AP2A1: variants seen among roughly 807,000 people sequenced by gnomAD.
The protein encoded by AP2A1 is AP-2 complex subunit alpha-1.
Under a neutral mutation model 107.3 loss-of-function variants are expected in AP2A1, and 21 were observed. That is an observed-to-expected ratio of 0.20 (90% confidence interval 0.14 to 0.28). The LOEUF (loss-of-function observed/expected upper bound fraction) is 0.28, where lower values mean the gene tolerates loss of function less well. Among genes scored for constraint, AP2A1 ranks in the 10% least tolerant of loss-of-function variants. The probability of loss-of-function intolerance (pLI) is 1.00; values close to 1 mark genes in which losing one functional copy is unlikely to be tolerated. For synonymous variants in AP2A1, 602 were observed against 564.8 expected (o/e 1.07, Z -0.93); for missense variants, 873 against 1,307.7 (o/e 0.67, Z 5.13).
intron 4 of AP2A1, among the ~76,000 whole-genome samples, chr19:49,790,178 G>A (rs77827342): frequency 0.13 from 19,579 of 152,196 alleles, 1,460 homozygotes; most frequent in East Asian, 0.23. Context: ...GAGAGGCCGC[G>A]TCCTTGCCTT....
At chr19:49,767,459 C>A (rs997965924) in intron 1 of AP2A1, among the ~76,000 whole-genome samples, 1 of 151,830 alleles carries the variant, frequency 6.6e-6, no homozygotes, top group Non-Finnish European at 1.5e-5. Context: ...CAGTGAGGTC[C>A]CGGGGATGGG....
At chr19:49,784,874 C>G (rs1448205892) in intron 4 of AP2A1, among the ~76,000 whole-genome samples, 1 of 151,744 alleles carries the variant, frequency 6.6e-6, no homozygotes, top group Non-Finnish European at 1.5e-5. Context: ...TCTAAACAAA[C>G]AAACAAAAAA....
In AP2A1 at chr19:49,782,542, C is replaced by T. The variant is rs541478060; in HGVS notation, c.291C>T (p.Phe97=). The change falls in exon 4 of 23, where the codon TTC becomes TTT. Residue 97 remains phenylalanine (F), a synonymous_variant. Transcript: ENST00000354293. ...CTCCCTCCCCACAGGGTTACCTGTTCATTTCTGTGCTGGTGAACTCGAACT... is the reference window on the plus strand; with the variant it reads ...CTCCCTCCCCACAGGGTTACCTGTTTATTTCTGTGCTGGTGAACTCGAACT... The part of the protein sequence containing the change: ...KYTEKQIGYL[F]ISVLVNSNSE... The T allele has an allele frequency of 2.5e-6, 4 of 1,613,654 alleles. No individual in the cohort carries two copies. The African/African-American group carries it at 5.3e-5, about 21-fold the overall frequency.
Position 49,805,954 on chromosome 19 carries a change from G to A in AP2A1, c.2655+13G>A. 1 of 1,613,734 alleles carries A rather than the reference G, an allele frequency of 6.2e-7. No individual in the cohort carries two copies. The highest frequency in any genetic ancestry group is 8.5e-7 in the Non-Finnish European group (1 of 1,179,876). ...TACTAAGGCCAAGGTGAGAGACCGC[G>A]GGCGTGTTTGCCGGCCTATGGCTGC... is the stretch of plus-strand genomic sequence containing the variant. On this transcript the variant is annotated intron_variant, in intron 21 of 22. Coordinates refer to ENST00000354293, the MANE Select transcript of AP2A1 (RefSeq NM_130787.3).
At chr19:49,800,237 C>G in intron 11 of AP2A1, 87 bp downstream of exon 11, 1 of 1,427,556 alleles carries the variant, frequency 7.0e-7, no homozygotes, top group Non-Finnish European at 9.5e-7. Flanking sequence ...GCCTGCCAGC[C>G]CGCAGCCACC....
At chr19:49,799,001 G>A (rs1413453403) in intron 8 of AP2A1, 49 bp downstream of exon 8, 1 of 1,549,010 alleles carries the variant, frequency 6.5e-7, no homozygotes, top group Non-Finnish European at 8.7e-7. Context: ...CAGGAAAGAG[G>A]GGCATGGAGG....
intron 1 of AP2A1, among the ~76,000 whole-genome samples, chr19:49,776,338 C>G (rs1471671334): frequency 1.3e-5 from 2 of 152,150 alleles, no homozygotes; most frequent in Non-Finnish European, 2.9e-5. Context: ...TCTGCCTGGT[C>G]CATTTCAGCC....
Position 49,799,438 on chromosome 19 carries a change from C to T in AP2A1, c.1077C>T (p.Ser359=), listed in dbSNP as rs764972118. Residue 359 remains serine (S), a synonymous_variant, in exon 9 of 23, where the codon TCC becomes TCT. Transcript: ENST00000354293. ...AGAGCATGTGCACGCTGGCCAGCTC[C>T]GAGTTCTCCCATGAAGCCGTCAAGA... ...ALESMCTLAS[S]EFSHEAVKTH... 15 of 1,611,732 alleles carry T rather than the reference C, an allele frequency of 9.3e-6. No homozygotes were observed. Among genetic ancestry groups the T allele is most frequent in the East Asian group, 2.2e-5 (1 of 44,798 alleles).
At position 49,767,075 on chromosome 19, in the gene AP2A1, C is replaced by G. The variant is rs2084509924; in HGVS notation, c.-59C>G. On this transcript the variant is annotated 5_prime_UTR_variant, in exon 1 of 23. Transcript: ENST00000354293. ...GTCCTTTCCGCCCGGTCCCCGCTTG[C>G]CAGCCCCCGCTGCTCTGTGCCCTGT... is the stretch of plus-strand genomic sequence containing the variant. 1.3e-6 allele frequency: 2 copies of G among 1,557,244 alleles called. No individual in the cohort carries two copies. The highest frequency in any genetic ancestry group is 1.7e-6 in the Non-Finnish European group (2 of 1,153,928).
In AP2A1 at chr19:49,801,859, C is replaced by T. The variant is rs2073284922; in HGVS notation, c.1923C>T (p.Asn641=). 3 of 1,504,370 alleles carry T rather than the reference C, an allele frequency of 2.0e-6. No homozygotes were observed. Among genetic ancestry groups the T allele is most frequent in the African/African-American group, 1.4e-5 (1 of 71,870 alleles). 93.2% of individuals were successfully genotyped at this position (1,504,370 alleles called of 1,614,324 possible). Residue 641 remains asparagine, a synonymous_variant, in exon 14 of 23, where the codon AAC becomes AAT. Coordinates refer to ENST00000354293, the MANE Select transcript of AP2A1 (RefSeq NM_130787.3). ...GRRDPSSNDI[N]GGMEPTPSTV... ...GGGACCCCAGCAGCAACGACATCAA[C>T]GGGGGCATGGAGCCCACCCCCAGCA...
At chr19:49,802,561 C>A in intron 15 of AP2A1, 1 of 1,606,300 alleles carries the variant, frequency 6.2e-7, no homozygotes, top group African/African-American at 1.3e-5. Flanking sequence ...CCCCCGAGAG[C>A]CCCATGGCTT....
Position 49,805,497 on chromosome 19 carries a change from G to A in AP2A1, c.2389G>A (p.Gly797Ser), listed in dbSNP as rs773315954. 1.3e-6 allele frequency: 2 copies of A among 1,556,076 alleles called. No individual in the cohort carries two copies. The highest frequency in any genetic ancestry group is 2.4e-5 in the South Asian group (2 of 84,476). The change falls in exon 19 of 23, where the codon GGC (glycine) becomes AGC (serine). Residue 797 changes from glycine to serine, a missense_variant. Coordinates refer to ENST00000354293, the MANE Select transcript of AP2A1 (RefSeq NM_130787.3). ...GCGCGTGGCGGCGCAGGTGGACGGC[G>A]GCGCGCAGGTGCAGCAGGTGCTCAA... Reference protein sequence around the residue: ...TKRVAAQVDGGAQVQQVLNIE... With the variant: ...TKRVAAQVDGSAQVQQVLNIE...
chr19:49,771,139 C>T (rs982286193), intron 1 of AP2A1, among the ~76,000 whole-genome samples: 2 of 151,732 alleles, frequency 1.3e-5, no homozygotes, highest in Non-Finnish European at 2.9e-5. Flanking sequence ...GTGTGAGCTA[C>T]CATGCCCGGC....
intron 11 of AP2A1, among the ~76,000 whole-genome samples, 169 bp downstream of exon 11, chr19:49,800,319 G>T (rs1192107316): frequency 6.6e-6 from 1 of 152,226 alleles, no homozygotes; most frequent in Non-Finnish European, 1.5e-5. Flanking sequence ...GGGACCCAGG[G>T]CTATGGTCTC....
intron 6 of AP2A1, among the ~76,000 whole-genome samples, chr19:49,794,768 T>C (rs2123729913): frequency 6.6e-6 from 1 of 152,152 alleles, no homozygotes; most frequent in East Asian, 1.9e-4. Context: ...GTTCAAGCAA[T>C]TCTCCTGCCT....
Position 49,798,842 on chromosome 19 carries a change from G to A in AP2A1, c.855G>A (p.Glu285=), listed in dbSNP as rs1173836386. 1.9e-6 allele frequency: 3 copies of A among 1,603,508 alleles called. No homozygotes were observed. The highest frequency in any genetic ancestry group is 2.6e-6 in the Non-Finnish European group (3 of 1,175,248). The part of the protein sequence containing the change: ...AVKGRLVECL[E]TVLNKAQEPP... ...AGGGGCGGCTGGTGGAATGTCTGGA[G>A]ACTGTGCTCAACAAGGCCCAGGAGC... is the stretch of plus-strand genomic sequence containing the variant. Residue 285 remains glutamate (E), a synonymous_variant, in exon 8 of 23, where the codon GAG becomes GAA. Transcript: ENST00000354293.
rs1046474080 is a variant in AP2A1 at position 49,806,975 on chromosome 19, C to T, written c.*217C>T. ...GGGGAGTCCCCCTCCCTCCCTTTCC[C>T]CCCCAAGCACAGAGGGGAGAGGGGC... On this transcript the variant is annotated 3_prime_UTR_variant, in exon 23 of 23. Transcript: ENST00000354293. 6 of 1,530,376 alleles carry T rather than the reference C, an allele frequency of 3.9e-6. No individual in the cohort carries two copies. In the African/African-American group the frequency reaches 5.5e-5, roughly 14 times the overall value. 94.8% of individuals were successfully genotyped at this position (1,530,376 alleles called of 1,614,324 possible).
chr19:49,780,854 C>T (rs1368991802), intron 1 of AP2A1, among the ~76,000 whole-genome samples: 3 of 152,140 alleles, frequency 2.0e-5, no homozygotes, highest in African/African-American at 2.4e-5. Flanking sequence ...GCAGCCTGGG[C>T]GACAGTCTAA....
chr19:49,786,541 C>T (rs2084739062), intron 4 of AP2A1, among the ~76,000 whole-genome samples: 1 of 152,138 alleles, frequency 6.6e-6, no homozygotes, highest in Non-Finnish European at 1.5e-5. Flanking sequence ...TGGGAATTCC[C>T]AAAAGCTGGG....
Sources: gnomAD v4.1 joint callset for allele counts (sites outside exome capture counted in the v4.1 genomes callset) on GRCh38, gnomAD v4.1.1 for gene constraint, MANE v1.5 for transcripts, NCBI Gene and HGNC (gene_info 2026-07-23, HGNC 2026-07-21) for gene names.